EIF4G1: variants seen among roughly 807,000 people sequenced by gnomAD.
EIF4G1 encodes EIF4-gamma.
A neutral mutation model predicts 187.8 loss-of-function variants in EIF4G1; 4 were observed. The observed-to-expected ratio is 0.02, with a 90% CI of 0.01 to 0.05. EIF4G1 has a LOEUF of 0.05. Among genes scored for constraint, EIF4G1 ranks in the 10% least tolerant of loss-of-function variants. The pLI is 1.00. For missense variants in EIF4G1, 1,647 were observed against 2,081.1 expected (o/e 0.79, Z 4.06); for synonymous variants, 844 against 781.4 (o/e 1.08, Z -1.34).
chr3:184,323,234 G>A lies in EIF4G1; in HGVS notation c.2081G>A (p.Arg694His), dbSNP rs1220130432. The A allele has an allele frequency of 1.2e-6, 2 of 1,614,042 alleles. No homozygotes were observed. Among genetic ancestry groups the A allele is most frequent in the Non-Finnish European group, 1.7e-6 (2 of 1,180,006 alleles). The change falls in exon 14 of 33, where the codon CGT becomes CAT. Residue 694 changes from arginine to histidine, a missense_variant. Transcript: ENST00000346169. The surrounding 1 kb of genome is among the most constrained non-coding windows in gnomAD (Gnocchi z 6.9). ...GGTGGGCCAGGTGGGGAGCTGCCCC[G>A]TGGGCCGGTGAGTGGGGCTGGGTAA... ...PRGGPGGELP[R>H]GPAGLGPRRS...
Position 184,321,562 on chromosome 3 carries a change from A to C in EIF4G1, c.978A>C (p.Glu326Asp). ...EPTPLAEPIL[E>D]VEVTLSKPVP... is the part of the protein sequence containing the mutation. ...CTCCTCTCGCCGAACCCATACTGGA[A>C]GTAGAAGTGACACTTAGCAAACCGG... The change falls in exon 10 of 33, where the codon GAA becomes GAC. Residue 326 changes from glutamate to aspartate, a missense_variant. Glu to Asp is a conservative substitution (Grantham distance 45, BLOSUM62 2). This residue lies in a region of EIF4G1 where 522 missense variants were observed against 485.2 expected (regional missense o/e 1.08). Transcript: ENST00000346169. 6.2e-7 allele frequency: 1 copy of C among 1,614,234 alleles called. No homozygotes were observed. Among genetic ancestry groups the C allele is most frequent in the East Asian group, 2.2e-5 (1 of 44,888 alleles).
Position 184,321,537 on chromosome 3 carries a change from C to T in EIF4G1, c.953C>T (p.Thr318Ile), listed in dbSNP as rs1005414726. The change falls in exon 10 of 33, where the codon ACT (threonine) becomes ATT (isoleucine). Residue 318 changes from threonine to isoleucine, a missense_variant. Physicochemically the swap from Thr to Ile is moderately conservative, Grantham distance 89. This residue lies in a region of EIF4G1 where 522 missense variants were observed against 485.2 expected (regional missense o/e 1.08). Transcript: ENST00000346169. Reference sequence around the variant, plus strand: ...CCATATCGCCTCTCTCCAGAACCCACTCCTCTCGCCGAACCCATACTGGAA... The same window carrying T: ...CCATATCGCCTCTCTCCAGAACCCATTCCTCTCGCCGAACCCATACTGGAA... ...GEPYRLSPEP[T>I]PLAEPILEVE... 1 of 1,614,220 alleles carries T rather than the reference C, an allele frequency of 6.2e-7. No individual in the cohort carries two copies. Among genetic ancestry groups the T allele is most frequent in the Admixed American group, 1.7e-5 (1 of 60,028 alleles).
chr3:184,330,160 T>C (rs1286495324), intron 28 of EIF4G1, among the ~76,000 whole-genome samples: 1 of 152,052 alleles, frequency 6.6e-6, no homozygotes, highest in Non-Finnish European at 1.5e-5. Flanking sequence ...GTGGATCACG[T>C]GAGGTCAGGA....
In EIF4G1 at chr3:184,331,734, C is replaced by A; in HGVS notation, c.4402C>A (p.Leu1468Met). 1 of 1,614,182 alleles carries A rather than the reference C, an allele frequency of 6.2e-7. No individual in the cohort carries two copies. Among genetic ancestry groups the A allele is most frequent in the Admixed American group, 1.7e-5 (1 of 60,022 alleles). Reference protein sequence around the residue: ...QRVFDWIEANLSEQQIVSNTL... With the variant: ...QRVFDWIEANMSEQQIVSNTL... Reference sequence around the variant, plus strand: ...ATTTGTTTCTCCCATACAGGCCAACCTGAGTGAGCAGCAGATAGTATCCAA... The same window carrying A: ...ATTTGTTTCTCCCATACAGGCCAACATGAGTGAGCAGCAGATAGTATCCAA... The change falls in exon 31 of 33, where the codon CTG (leucine) becomes ATG (methionine). Residue 1468 changes from leucine (L) to methionine (M), a missense_variant. Around this residue, in one of 11 missense-constraint regions of EIF4G1, gnomAD observed 543 missense variants for 638.0 expected, o/e 0.85. Transcript: ENST00000346169.
At chr3:184,318,321 T>C (rs1197021894) in intron 6 of EIF4G1, among the ~76,000 whole-genome samples, 1 of 152,202 alleles carries the variant, frequency 6.6e-6, no homozygotes, top group Non-Finnish European at 1.5e-5. Context: ...CAAAAACAAG[T>C]GGAATTTAGG....
At chr3:184,318,203 C>G (rs564891221) in intron 6 of EIF4G1, among the ~76,000 whole-genome samples, 2 of 152,248 alleles carry the variant, frequency 1.3e-5, no homozygotes, top group South Asian at 4.1e-4. Flanking sequence ...GCAGTGGCTT[C>G]CAAGTTTTTT....
chr3:184,321,446 G>C lies in EIF4G1; in HGVS notation c.862G>C (p.Asp288His). ...PNLAVLSIPG[D>H]TMTTIQMSVE... is the part of the protein sequence containing the mutation. The stretch of plus-strand genomic sequence containing the variant: ...TCTCGCAGTCCTCTCTATTCCTGGG[G>C]ACACTATGACAACTATACAAATGTC... Residue 288 changes from aspartate (D) to histidine (H), a missense_variant, in exon 10 of 33, where the codon GAC (aspartate) becomes CAC (histidine). Physicochemically the swap from Asp to His is moderately conservative, Grantham distance 81. Transcript: ENST00000346169. The C allele has an allele frequency of 6.2e-7, 1 of 1,614,036 alleles. No individual in the cohort carries two copies. Among genetic ancestry groups the C allele is most frequent in the Non-Finnish European group, 8.5e-7 (1 of 1,180,026 alleles).
rs1726661444 is a variant in EIF4G1 at position 184,334,106 on chromosome 3, A to G, written c.4619-621A>G. ...TGGGGTCGGTTGTGTTTCAGGGGTT[A>G]TAGGACACGTTGCTTGGGAAGGCTA... On this transcript the variant is annotated intron_variant, in intron 32 of 32. Transcript: ENST00000346169. This position sits in a 1 kb window ranked among gnomAD's most constrained non-coding sequence, Gnocchi z 5.8. Among the ~76,000 whole-genome samples the G allele has an allele frequency of 6.6e-6, 1 of 152,126 alleles. No homozygotes were observed. Among genetic ancestry groups the G allele is most frequent in the South Asian group, 2.1e-4 (1 of 4,826 alleles).
intron 6 of EIF4G1, among the ~76,000 whole-genome samples, chr3:184,318,103 A>G (rs1004597949): frequency 2.6e-5 from 4 of 152,116 alleles, no homozygotes; most frequent in African/African-American, 9.7e-5. Flanking sequence ...CACTTCTTCC[A>G]TGGTTGGGAG....
chr3:184,320,286 C>T, intron 7 of EIF4G1: 1 of 1,254,028 alleles, frequency 8.0e-7, no homozygotes, highest in Non-Finnish European at 1.0e-6. Flanking sequence ...AGATCAGGCA[C>T]ACTAGCCACA....
chr3:184,318,967 G>A (rs1262050212), intron 6 of EIF4G1, among the ~76,000 whole-genome samples: 3 of 151,838 alleles, frequency 2.0e-5, no homozygotes, highest in Admixed American at 1.3e-4. Flanking sequence ...CCAGCTATTC[G>A]GGAGGCTGAG....
rs1723484802 is a variant in EIF4G1, at chr3:184,319,568, G to T, written c.425-121G>T. The T allele has an allele frequency of 4.1e-6, 3 of 730,922 alleles. No homozygotes were observed. In the South Asian group the frequency reaches 4.5e-5, roughly 11 times the overall value. The allele number at this position is 730,922 out of a possible 1,614,324, so 45.3% of individuals were successfully genotyped here. On this transcript the variant is annotated intron_variant, in intron 6 of 32. Coordinates refer to ENST00000346169, the MANE Select transcript of EIF4G1 (RefSeq NM_198241.3). ...CCCTGGGGGAGGAGGGCAGGGCAGGGCAAGGCAAGGGGCCGGCTGTGGGTG... is the reference window on the plus strand; with the variant it reads ...CCCTGGGGGAGGAGGGCAGGGCAGGTCAAGGCAAGGGGCCGGCTGTGGGTG...
chr3:184,323,718 C>T lies in EIF4G1; in HGVS notation c.2275-62C>T, dbSNP rs927267292. On this transcript the variant is annotated intron_variant, in intron 15 of 32. Transcript: ENST00000346169. The surrounding 1 kb of genome is among the most constrained non-coding windows in gnomAD (Gnocchi z 6.9). ...ATGCCTAAGTCCCCACCACCCTCTC[C>T]TGTCCCTCCCAACAGCCTGTTCTGA... 8.1e-6 allele frequency: 13 copies of T among 1,611,298 alleles called. No homozygotes were observed. Among genetic ancestry groups the T allele is most frequent in the South Asian group, 4.4e-5 (4 of 90,848 alleles).
At position 184,323,641 on chromosome 3, in the gene EIF4G1, C is replaced by T; in HGVS notation, c.2274+48C>T. 1 of 1,612,886 alleles carries T rather than the reference C, an allele frequency of 6.2e-7. No homozygotes were observed. The highest frequency in any genetic ancestry group is 8.5e-7 in the Non-Finnish European group (1 of 1,179,732). On this transcript the variant is annotated intron_variant, in intron 15 of 32. Coordinates refer to ENST00000346169, the MANE Select transcript of EIF4G1 (RefSeq NM_198241.3). This position sits in a 1 kb window ranked among gnomAD's most constrained non-coding sequence, Gnocchi z 6.9. ...GTCTCTCTCCATTTCTTCTCCAGGT[C>T]TGCCATCTGTGCCCTCTTTGCTTCT...
In EIF4G1 at chr3:184,331,466, T is replaced by C. The variant is rs1371800095; in HGVS notation, c.4261-6T>C. On this transcript the variant is annotated splice_polypyrimidine_tract_variant and splice_region_variant and intron_variant, in intron 29 of 32. Transcript: ENST00000346169. ...ACCTCTTAACTGCGGGCCTTTTCCA[T>C]TGCAGAAGGTGGAGTATACCCTGGG... 1.9e-6 allele frequency: 3 copies of C among 1,614,170 alleles called. No individual in the cohort carries two copies. Among genetic ancestry groups the C allele is most frequent in the Non-Finnish European group, 2.5e-6 (3 of 1,180,026 alleles).
In EIF4G1 at chr3:184,322,296, G is replaced by A. The variant is rs991915478; in HGVS notation, c.1520-66G>A. 3.9e-6 allele frequency: 6 copies of A among 1,553,196 alleles called. No individual in the cohort carries two copies. The South Asian group carries it at 6.9e-5, about 18-fold the overall frequency. Reference sequence around the variant, plus strand: ...TTCTTTGGCTGCTTTCTATTTCCCAGGGATTAAGGGTACTCCTTAAATTAT... The same window carrying A: ...TTCTTTGGCTGCTTTCTATTTCCCAAGGATTAAGGGTACTCCTTAAATTAT... On this transcript the variant is annotated intron_variant, in intron 10 of 32. Transcript: ENST00000346169.
At position 184,325,245 on chromosome 3, in the gene EIF4G1, G is replaced by A; in HGVS notation, c.2857-24G>A. On this transcript the variant is annotated intron_variant, in intron 18 of 32. Transcript: ENST00000346169. The surrounding 1 kb of genome is among the most constrained non-coding windows in gnomAD (Gnocchi z 5.2). ...ATAGGTGGGACATGAGAAGTTCCTGGTCTGATGCCTTTCTCCTTCCTAGCC... is the reference window on the plus strand; with the variant it reads ...ATAGGTGGGACATGAGAAGTTCCTGATCTGATGCCTTTCTCCTTCCTAGCC... The A allele has an allele frequency of 1.2e-6, 2 of 1,613,392 alleles. No individual in the cohort carries two copies. Among genetic ancestry groups the A allele is most frequent in the Non-Finnish European group, 1.7e-6 (2 of 1,179,396 alleles).
At chr3:184,319,237 G>A (rs936358474) in intron 6 of EIF4G1, 1 of 181,558 alleles carries the variant, frequency 5.5e-6, no homozygotes, top group Non-Finnish European at 1.2e-5. Context: ...AAGTTAAATG[G>A]AACAGGGTTG....
chr3:184,321,793 G>A lies in EIF4G1; in HGVS notation c.1209G>A (p.Leu403=). 1 of 1,613,374 alleles carries A rather than the reference G, an allele frequency of 6.2e-7. No individual in the cohort carries two copies. Among genetic ancestry groups the A allele is most frequent in the Non-Finnish European group, 8.5e-7 (1 of 1,179,444 alleles). The part of the protein sequence containing the change: ...PIAPTAQPEE[L]LNGAPSPPAV... ...CTCCAACTGCCCAACCTGAGGAACT[G>A]CTCAACGGAGCCCCCTCGCCACCAG... The change falls in exon 10 of 33, where the codon CTG becomes CTA. Residue 403 remains leucine, a synonymous_variant. Transcript: ENST00000346169.
Sources: gnomAD v4.1 joint callset for allele counts (sites outside exome capture counted in the v4.1 genomes callset) on GRCh38, gnomAD v4.1.1 for gene constraint, gnomAD v4.1.1 regional missense constraint, Gnocchi (gnomAD v3.1) non-coding constraint, MANE v1.5 for transcripts, NCBI Gene and HGNC (gene_info 2026-07-23, HGNC 2026-07-21) for gene names.